PRDM16: variants seen among roughly 807,000 people sequenced by gnomAD.
PRDM16 encodes PR/SET domain 16, also known as histone-lysine N-methyltransferase PRDM16.
A neutral mutation model predicts 110.6 loss-of-function variants in PRDM16; 23 were observed. The observed-to-expected ratio is 0.21, with a 90% CI of 0.15 to 0.29. The LOEUF (loss-of-function observed/expected upper bound fraction) is 0.29. PRDM16 is among the 10% of genes least tolerant of loss of function. The pLI, the probability that PRDM16 is intolerant of heterozygous loss-of-function variation, is 1.00. For synonymous variants in PRDM16, 799 were observed against 781.8 expected, an observed-to-expected ratio of 1.02 and a Z score of -0.37; for missense variants, 1,615 against 1,794.3, an observed-to-expected ratio of 0.90 and a Z score of 1.81.
chr1:3,374,985 A>G (rs1354613304), intron 3 of PRDM16, among the ~76,000 whole-genome samples: 1 of 152,234 alleles, frequency 6.6e-6, no homozygotes, highest in Non-Finnish European at 1.5e-5. Flanking sequence ...GGGGTCCTCC[A>G]GGACATCTTC....
intron 3 of PRDM16, among the ~76,000 whole-genome samples, chr1:3,289,888 G>A (rs1640934659): frequency 6.7e-6 from 1 of 149,916 alleles, no homozygotes; most frequent in Non-Finnish European, 1.5e-5. Context: ...CTCCTGCCCG[G>A]TCACCAGACC....
At chr1:3,185,050 T>A (rs1253008696) in intron 1 of PRDM16, among the ~76,000 whole-genome samples, 7 of 152,208 alleles carry the variant, frequency 4.6e-5, no homozygotes, top group African/African-American at 1.7e-4. Context: ...ATTTGGGCTG[T>A]TTCTGCCTTC....
chr1:3,095,485 T>A (rs1401135178), intron 1 of PRDM16, among the ~76,000 whole-genome samples: 1 of 152,156 alleles, frequency 6.6e-6, no homozygotes, highest in African/African-American at 2.4e-5. Flanking sequence ...AGCACAGCCC[T>A]GTGCGGCTGT....
chr1:3,431,225 G>C, intron 15 of PRDM16, 117 bp downstream of exon 15: 1 of 1,447,016 alleles, frequency 6.9e-7, no homozygotes, highest in Non-Finnish European at 9.2e-7. Flanking sequence ...CCCTACTCCA[G>C]CACAGCCACC....
At chr1:3,082,068 G>A (rs2742687) in intron 1 of PRDM16, among the ~76,000 whole-genome samples, 36,557 of 152,190 alleles carry the variant, frequency 0.24, 4,941 homozygotes, top group African/African-American at 0.35. Context: ...AGCCTCAGAG[G>A]TGGCACCTGG....
chr1:3,071,667 A>G (rs1174459193), intron 1 of PRDM16, among the ~76,000 whole-genome samples: 2 of 152,244 alleles, frequency 1.3e-5, no homozygotes, highest in Non-Finnish European at 2.9e-5. Context: ...TACCCGAGTC[A>G]GAGGCGGTAG....
At chr1:3,241,581 C>A (rs1639675912) in intron 2 of PRDM16, among the ~76,000 whole-genome samples, 1 of 152,210 alleles carries the variant, frequency 6.6e-6, no homozygotes, top group African/African-American at 2.4e-5. Context: ...TCCGTCTCTG[C>A]GTCCCCACCT....
At chr1:3,233,265 C>A (rs1639458636) in intron 2 of PRDM16, among the ~76,000 whole-genome samples, 1 of 152,124 alleles carries the variant, frequency 6.6e-6, no homozygotes, top group Admixed American at 6.5e-5. Context: ...GGAGGAGGGA[C>A]CGTCAGCATT....
Position 3,436,981 on chromosome 1 carries a change from C to T in PRDM16, c.*3170C>T, listed in dbSNP as rs138817977. On this transcript the variant is annotated 3_prime_UTR_variant, in exon 17 of 17. Coordinates refer to ENST00000270722, the MANE Select transcript of PRDM16 (RefSeq NM_022114.4). ...CTGCTCCTCAGACCCCAGCCCCCAG[C>T]GAGCCGACGTCCCCACCCGTTCCTG... 2.8e-3 allele frequency: 653 copies of T among 233,198 alleles called. No individual in the cohort carries two copies. Among genetic ancestry groups the T allele is most frequent in the Non-Finnish European group, 4.4e-3 (525 of 118,002 alleles). The allele number at this position is 233,198 out of a possible 1,614,324, so 14.4% of individuals were successfully genotyped here. A position where few individuals can be genotyped will look rare whatever the true frequency, so the allele number is the denominator to read the frequency against.
chr1:3,280,235 C>T (rs1401264668), intron 3 of PRDM16, among the ~76,000 whole-genome samples: 2 of 152,242 alleles, frequency 1.3e-5, no homozygotes, highest in East Asian at 1.9e-4. Flanking sequence ...TCTGTGTGTT[C>T]GTGTGTTGGT....
At chr1:3,113,602 C>T (rs988141880) in intron 1 of PRDM16, among the ~76,000 whole-genome samples, 11 of 152,224 alleles carry the variant, frequency 7.2e-5, no homozygotes, top group Admixed American at 4.6e-4. Flanking sequence ...CACTTTGCTC[C>T]GAATAATCCC....
intron 1 of PRDM16, among the ~76,000 whole-genome samples, chr1:3,079,545 G>T (rs1316988506): frequency 1.3e-5 from 2 of 152,230 alleles, no homozygotes; most frequent in African/African-American, 4.8e-5. Context: ...GAGCGGCCTG[G>T]CCCCAGGGAC....
rs1396613559 is a variant in PRDM16 at position 3,181,568 on chromosome 1, A to G, written c.38-4557A>G. 4.4e-5 allele frequency among the ~76,000 whole-genome samples: 3 copies of G among 67,712 alleles called. No individual in the cohort carries two copies. The South Asian group carries it at 1.7e-3, about 38-fold the overall frequency. The allele number at this position is 67,712 out of a possible 152,430, so 44.4% of individuals were successfully genotyped here. A position where few individuals can be genotyped will look rare whatever the true frequency, so the allele number is the denominator to read the frequency against. On this transcript the variant is annotated intron_variant, in intron 1 of 16. Transcript: ENST00000270722. ...CTTACACACGCAGTCTTACACACGC[A>G]GTCTTACACACGGTCTTACATATGG...
intron 1 of PRDM16, among the ~76,000 whole-genome samples, chr1:3,172,631 C>T (rs1471444397): frequency 6.6e-6 from 1 of 152,192 alleles, no homozygotes; most frequent in East Asian, 1.9e-4. Flanking sequence ...AAGGAAACGG[C>T]GACACACGCC....
chr1:3,378,466 G>A (rs61759201), intron 3 of PRDM16, among the ~76,000 whole-genome samples: 3,402 of 152,184 alleles, frequency 0.022, 51 homozygotes, highest in Non-Finnish European at 0.035. Flanking sequence ...TCCTTGAGTC[G>A]GCCCTGGAGA....
chr1:3,144,823 A>G (rs1040916604), intron 1 of PRDM16, among the ~76,000 whole-genome samples: 1 of 152,132 alleles, frequency 6.6e-6, no homozygotes, highest in African/African-American at 2.4e-5. Context: ...AGATACACAC[A>G]TGTCTCAGTC....
chr1:3,246,699 G>A lies in PRDM16; in HGVS notation c.438+2562G>A, dbSNP rs755306217. Among the ~76,000 whole-genome samples the A allele has an allele frequency of 7.2e-5, 11 of 152,182 alleles. No individual in the cohort carries two copies. The highest frequency in any genetic ancestry group is 2.4e-4 in the African/African-American group (10 of 41,440). ...AGCCTCCGCAATAAACACCGTCAGC[G>A]TCTGGAGGATTCGAGTGTTTGCCAA... On this transcript the variant is annotated intron_variant, in intron 3 of 16. Coordinates refer to ENST00000270722, the MANE Select transcript of PRDM16 (RefSeq NM_022114.4). The surrounding 1 kb of genome is among the most constrained non-coding windows in gnomAD (Gnocchi z 5.2).
intron 3 of PRDM16, among the ~76,000 whole-genome samples, chr1:3,352,281 G>T (rs1232363287): frequency 6.6e-6 from 1 of 151,984 alleles, no homozygotes; most frequent in African/African-American, 2.4e-5. Flanking sequence ...ATTCAATTCT[G>T]CCCCCATCCC....
chr1:3,297,341 T>C (rs59719068), intron 3 of PRDM16, among the ~76,000 whole-genome samples: 10,452 of 146,860 alleles, frequency 0.071, 1,242 homozygotes, highest in African/African-American at 0.25. Context: ...TGGAGTGCAA[T>C]GGCGCGATCT....
Sources: gnomAD v4.1 joint callset for allele counts (sites outside exome capture counted in the v4.1 genomes callset) on GRCh38, gnomAD v4.1.1 for gene constraint, Gnocchi (gnomAD v3.1) non-coding constraint, MANE v1.5 for transcripts, NCBI Gene and HGNC (gene_info 2026-07-23, HGNC 2026-07-21) for gene names.